The following CSMD3 variants were observed in gnomAD, a reference collection of about 807,000 sequenced individuals.
CSMD3 encodes the protein CUB and sushi domain-containing protein 3.
In CSMD3, 177 loss-of-function variants were observed where a neutral mutation model predicts 435.2. That is an observed-to-expected ratio of 0.41 (90% CI 0.36 to 0.46). The LOEUF (loss-of-function observed/expected upper bound fraction) is 0.46. Among genes scored for constraint, CSMD3 ranks in the 20% least tolerant of loss-of-function variants. The probability of loss-of-function intolerance (pLI) is 0.34; values close to 1 mark genes in which losing one functional copy is unlikely to be tolerated. For synonymous variants in CSMD3, 1,656 were observed against 1,520.5 expected (o/e 1.09, Z -2.07); for missense variants, 4,265 against 4,504.6 (o/e 0.95, Z 1.52).
intron 13 of CSMD3, among the ~76,000 whole-genome samples, chr8:112,721,759 T>C (rs563714508): frequency 6.6e-6 from 1 of 152,286 alleles, no homozygotes; most frequent in South Asian, 2.1e-4. Flanking sequence ...TTTGTTTTAA[T>C]GTTTCCTACA....
chr8:112,718,265 T>C (rs1462940759), intron 13 of CSMD3, among the ~76,000 whole-genome samples: 1 of 151,992 alleles, frequency 6.6e-6, no homozygotes, highest in Non-Finnish European at 1.5e-5. Context: ...ATAAAGGCTG[T>C]CTCTTCTATA....
Position 112,408,916 on chromosome 8 carries a change from T to A in CSMD3, c.5509+3A>T. 6.2e-7 allele frequency: 1 copy of A among 1,613,460 alleles called. No individual in the cohort carries two copies. Among genetic ancestry groups the A allele is most frequent in the Non-Finnish European group, 8.5e-7 (1 of 1,179,542 alleles). On this transcript the variant is annotated splice_donor_region_variant and intron_variant, in intron 33 of 70. Coordinates refer to ENST00000297405, the MANE Select transcript of CSMD3 (RefSeq NM_198123.2). Reference sequence around the variant, plus strand: ...GATGCATGGCAGTTCTATTAAAGGATACCTGAATGGGATCCTGAGAGGGAA... The same window carrying A: ...GATGCATGGCAGTTCTATTAAAGGAAACCTGAATGGGATCCTGAGAGGGAA...
chr8:112,447,529 T>C (rs1307732429), intron 32 of CSMD3, among the ~76,000 whole-genome samples: 6 of 152,184 alleles, frequency 3.9e-5, no homozygotes, highest in Non-Finnish European at 8.8e-5. Context: ...GGCTCTATGA[T>C]GACAATACAA....
chr8:112,275,430 C>A (rs1817952395), intron 59 of CSMD3, among the ~76,000 whole-genome samples: 1 of 151,920 alleles, frequency 6.6e-6, no homozygotes, highest in African/African-American at 2.4e-5. Context: ...GTCTGTAATC[C>A]CAACTACTCA....
chr8:112,684,395 T>C (rs1300981659), intron 15 of CSMD3, among the ~76,000 whole-genome samples: 1 of 152,064 alleles, frequency 6.6e-6, no homozygotes, highest in African/African-American at 2.4e-5. Flanking sequence ...AAGCTTAACA[T>C]TGAATAGGTG....
intron 5 of CSMD3, among the ~76,000 whole-genome samples, chr8:113,089,433 T>C (rs1046241535): frequency 6.6e-6 from 1 of 152,140 alleles, no homozygotes; most frequent in Non-Finnish European, 1.5e-5. Flanking sequence ...ATTTAGAACA[T>C]AAATCATATT....
chr8:113,342,562 G>A (rs1252448906), intron 1 of CSMD3, among the ~76,000 whole-genome samples: 4 of 152,076 alleles, frequency 2.6e-5, no homozygotes, highest in Admixed American at 6.6e-5. Flanking sequence ...TAGGAACCTT[G>A]CAAGTAAAAT....
At chr8:113,223,087 T>C (rs1319223789) in intron 3 of CSMD3, among the ~76,000 whole-genome samples, 1 of 150,648 alleles carries the variant, frequency 6.6e-6, no homozygotes, top group Non-Finnish European at 1.5e-5. Context: ...TCCAACAACT[T>C]CCTTTACTAA....
intron 9 of CSMD3, among the ~76,000 whole-genome samples, chr8:112,930,692 GT>G (rs1199978130): frequency 1.3e-5 from 2 of 151,958 alleles, no homozygotes; most frequent in African/African-American, 4.8e-5. Flanking sequence ...TACTCTTGAC[GT>G]TTTTACCAGT....
At chr8:112,450,450 G>A (rs985749482) in intron 32 of CSMD3, among the ~76,000 whole-genome samples, 4 of 152,150 alleles carry the variant, frequency 2.6e-5, no homozygotes. Context: ...GAATGCATTT[G>A]CTTGCTAAAA....
intron 5 of CSMD3, among the ~76,000 whole-genome samples, chr8:113,031,108 AC>A (rs1587927597): frequency 6.6e-6 from 1 of 151,694 alleles, no homozygotes; most frequent in East Asian, 1.9e-4. Flanking sequence ...CTAAAATTGC[AC>A]TTGCCATGCA....
intron 31 of CSMD3, among the ~76,000 whole-genome samples, chr8:112,474,540 A>G (rs890243016): frequency 6.6e-6 from 1 of 152,186 alleles, no homozygotes; most frequent in Non-Finnish European, 1.5e-5. Context: ...AGTGATTCCC[A>G]TTAGATATCA....
chr8:112,251,505 T>C (rs553470720), intron 63 of CSMD3, among the ~76,000 whole-genome samples: 136 of 151,832 alleles, frequency 9.0e-4, no homozygotes, highest in Non-Finnish European at 1.5e-3. Context: ...GAAAGTAATT[T>C]TTTTTTACTT....
chr8:112,578,566 C>A (rs1279042164), intron 23 of CSMD3, among the ~76,000 whole-genome samples: 1 of 151,770 alleles, frequency 6.6e-6, no homozygotes, highest in Non-Finnish European at 1.5e-5. Context: ...TATAAGATCA[C>A]CGGTGTGCTG....
intron 31 of CSMD3, among the ~76,000 whole-genome samples, chr8:112,491,839 G>T (rs1820730148): frequency 1.3e-5 from 2 of 152,024 alleles, no homozygotes; most frequent in African/African-American, 4.8e-5. Flanking sequence ...TGTCCTAGAT[G>T]ATATCACTTC....
chr8:112,961,102 T>C (rs2125550), intron 7 of CSMD3, among the ~76,000 whole-genome samples: 90,375 of 151,402 alleles, frequency 0.6, 28,418 homozygotes, highest in East Asian at 0.95. Flanking sequence ...GAAATCAACA[T>C]GTAGCAAGAA....
At chr8:112,334,724 A>G (rs1299827559) in intron 45 of CSMD3, among the ~76,000 whole-genome samples, 1 of 152,178 alleles carries the variant, frequency 6.6e-6, no homozygotes. Context: ...TGTCCTTTCA[A>G]AAAGTTAAGT....
intron 13 of CSMD3, among the ~76,000 whole-genome samples, chr8:112,780,349 A>G (rs1195917628): frequency 6.6e-6 from 1 of 152,110 alleles, no homozygotes; most frequent in East Asian, 1.9e-4. Flanking sequence ...CTTAAAGGAA[A>G]TGAATATATT....
intron 5 of CSMD3, among the ~76,000 whole-genome samples, chr8:113,034,339 T>A (rs552911845): frequency 3.3e-5 from 5 of 151,792 alleles, no homozygotes; most frequent in African/African-American, 1.2e-4. Context: ...AAATGTGATA[T>A]ATTCGGCAAT....
Sources: gnomAD v4.1 joint callset for allele counts (sites outside exome capture counted in the v4.1 genomes callset) on GRCh38, gnomAD v4.1.1 for gene constraint, MANE v1.5 for transcripts, NCBI Gene and HGNC (gene_info 2026-07-23, HGNC 2026-07-21) for gene names.